ERC1: variants seen among roughly 807,000 people sequenced by gnomAD.
The protein encoded by ERC1 is ELKS/RAB6-interacting/CAST family member 1, also known as RAB6 interacting protein 2.
A neutral mutation model predicts 132.0 loss-of-function variants in ERC1; 56 were observed. That is an observed-to-expected ratio of 0.42 (90% CI 0.34 to 0.53). ERC1 has a LOEUF of 0.53. ERC1 is among the 20% of genes least tolerant of loss of function. The pLI, the probability that ERC1 is intolerant of heterozygous loss-of-function variation, is 0.03. For synonymous variants in ERC1, 478 were observed against 476.1 expected (o/e 1.00, Z -0.05); for missense variants, 1,202 against 1,349.9 (o/e 0.89, Z 1.72).
chr12:1,037,741 A>C (rs986403144), intron 2 of ERC1, among the ~76,000 whole-genome samples: 26 of 152,216 alleles, frequency 1.7e-4, no homozygotes, highest in African/African-American at 5.5e-4. Context: ...GGAGGAATGG[A>C]TTTTTGAAAA....
In ERC1 at chr12:1,444,655, C is replaced by G; in HGVS notation, c.3118C>G (p.Leu1040Val). 1 of 1,614,146 alleles carries G rather than the reference C, an allele frequency of 6.2e-7. No homozygotes were observed. Among genetic ancestry groups the G allele is most frequent in the South Asian group, 1.1e-5 (1 of 91,088 alleles). ...LTTLCHDRDPLILRGLTPPAS... is the reference protein window; with the variant it reads ...LTTLCHDRDPVILRGLTPPAS... ...AACCCTCTGCCATGACCGAGACCCCCTGATCCTCCGTGGACTCACTCCACC... is the reference window on the plus strand; with the variant it reads ...AACCCTCTGCCATGACCGAGACCCCGTGATCCTCCGTGGACTCACTCCACC... Residue 1040 changes from leucine (L) to valine (V), a missense_variant, in exon 18 of 19, where the codon CTG becomes GTG. By Grantham distance (32) the Leu-to-Val change is conservative. Transcript: ENST00000360905.
At chr12:1,328,758 C>T (rs1328883628) in intron 15 of ERC1, among the ~76,000 whole-genome samples, 2 of 151,984 alleles carry the variant, frequency 1.3e-5, no homozygotes, top group Non-Finnish European at 2.9e-5. Flanking sequence ...TGAACCTCTC[C>T]TATTGCTTTG....
intron 12 of ERC1, among the ~76,000 whole-genome samples, chr12:1,212,492 A>T (rs780399632): frequency 2.6e-5 from 4 of 152,110 alleles, no homozygotes; most frequent in Non-Finnish European, 1.5e-5. Flanking sequence ...ATTTCCTTAG[A>T]TGCCTGGGAA....
chr12:1,206,748 C>T (rs74057289), intron 12 of ERC1, among the ~76,000 whole-genome samples: 5,924 of 152,132 alleles, frequency 0.039, 394 homozygotes, highest in African/African-American at 0.13. Context: ...CATCTCTATT[C>T]TCATTAACAC....
intron 14 of ERC1, among the ~76,000 whole-genome samples, chr12:1,272,903 A>T (rs2077966934): frequency 6.8e-6 from 1 of 147,044 alleles, no homozygotes; most frequent in South Asian, 2.2e-4. Flanking sequence ...AGCTGAGATC[A>T]TGCCACTGCA....
intron 18 of ERC1, among the ~76,000 whole-genome samples, chr12:1,486,363 G>GT (rs138649783): frequency 2.5e-4 from 38 of 150,546 alleles, no homozygotes; most frequent in South Asian, 1.3e-3. Context: ...TTTTTTTCTT[G>GT]TTTTTTTTTC....
At position 1,262,196 on chromosome 12, in the gene ERC1, G is replaced by T. The variant is rs1054618767; in HGVS notation, c.2488-838G>T. 7.2e-5 allele frequency among the ~76,000 whole-genome samples: 11 copies of T among 152,188 alleles called. No homozygotes were observed. In the South Asian group the frequency reaches 2.3e-3, roughly 32 times the overall value. ...TCTTAATCCTCTAGTTTCATAAGAA[G>T]TTAAAGAAGGAAGTGCCTATAATAA... On this transcript the variant is annotated intron_variant, in intron 13 of 18. Coordinates refer to ENST00000360905, the MANE Select transcript of ERC1 (RefSeq NM_178040.4).
Position 1,492,168 on chromosome 12 carries a change from C to T in ERC1, c.*1938C>T, listed in dbSNP as rs1394144279. On this transcript the variant is annotated 3_prime_UTR_variant, in exon 19 of 19. Transcript: ENST00000360905. Reference sequence around the variant, plus strand: ...TTTCTTATCGAAGGTTAAATGGACTCTGCTCATAAACCTCTTACTGAGATG... The same window carrying T: ...TTTCTTATCGAAGGTTAAATGGACTTTGCTCATAAACCTCTTACTGAGATG... 4 of 232,882 alleles carry T rather than the reference C, an allele frequency of 1.7e-5. No homozygotes were observed. Among genetic ancestry groups the T allele is most frequent in the African/African-American group, 8.8e-5 (4 of 45,330 alleles). 14.4% of individuals were successfully genotyped at this position (232,882 alleles called of 1,614,324 possible).
At chr12:1,325,692 C>T (rs1246601399) in intron 15 of ERC1, among the ~76,000 whole-genome samples, 2 of 151,976 alleles carry the variant, frequency 1.3e-5, no homozygotes, top group African/African-American at 2.4e-5. Context: ...GCCATTTATT[C>T]CTCTTTCTTG....
chr12:1,336,714 G>C (rs1005526913), intron 15 of ERC1, among the ~76,000 whole-genome samples: 3 of 152,086 alleles, frequency 2.0e-5, no homozygotes, highest in African/African-American at 7.2e-5. Context: ...GAGAATGTAT[G>C]TTCTGTTGCT....
chr12:1,193,162 G>T (rs1311187701), intron 12 of ERC1, among the ~76,000 whole-genome samples: 1 of 152,096 alleles, frequency 6.6e-6, no homozygotes, highest in African/African-American at 2.4e-5. Context: ...TCCCAGGCCT[G>T]TTCTTTGTGA....
intron 2 of ERC1, among the ~76,000 whole-genome samples, chr12:1,069,038 T>A (rs1385658940): frequency 3.3e-5 from 5 of 152,214 alleles, no homozygotes; most frequent in Non-Finnish European, 7.3e-5. Flanking sequence ...GATGTAATTT[T>A]AAAAATATTT....
rs1212050612 is a variant in ERC1, at chr12:1,444,636, C to G, written c.3099C>G (p.Leu1033=). ...TGTACATTGGACACCTGACAACCCT[C>G]TGCCATGACCGAGACCCCCTGATCC... ...LKLYIGHLTT[L]CHDRDPLILR... The change falls in exon 18 of 19, where the codon CTC becomes CTG. Residue 1033 remains leucine (L), a synonymous_variant. Transcript: ENST00000360905. 1 of 1,614,138 alleles carries G rather than the reference C, an allele frequency of 6.2e-7. No individual in the cohort carries two copies. The highest frequency in any genetic ancestry group is 8.5e-7 in the Non-Finnish European group (1 of 1,179,972).
At chr12:1,111,868 C>T (rs1037318940) in intron 5 of ERC1, among the ~76,000 whole-genome samples, 3 of 151,994 alleles carry the variant, frequency 2.0e-5, no homozygotes, top group Admixed American at 6.6e-5. Context: ...TGGCCTCCCA[C>T]GGTGCTGGGA....
chr12:1,440,357 A>C (rs533135603), intron 17 of ERC1, among the ~76,000 whole-genome samples: 16 of 149,314 alleles, frequency 1.1e-4, no homozygotes, highest in East Asian at 7.9e-4. Flanking sequence ...GACGCCCGCC[A>C]CCACGCCCGG....
intron 8 of ERC1, among the ~76,000 whole-genome samples, chr12:1,179,290 C>G (rs1954092327): frequency 6.6e-6 from 1 of 152,128 alleles, no homozygotes; most frequent in Non-Finnish European, 1.5e-5. Context: ...CATGCTGACA[C>G]TGCCAACACT....
At chr12:1,481,733 G>A (rs886541) in intron 18 of ERC1, among the ~76,000 whole-genome samples, 67,385 of 151,954 alleles carry the variant, frequency 0.44, 17,243 homozygotes, top group African/African-American at 0.71. Context: ...CATAGCATAC[G>A]TTAGACCCTG....
intron 14 of ERC1, among the ~76,000 whole-genome samples, chr12:1,267,355 C>T (rs1383757178): frequency 6.6e-6 from 1 of 152,230 alleles, no homozygotes; most frequent in Non-Finnish European, 1.5e-5. Context: ...ACAAGGTCTC[C>T]TAAACAAGTC....
intron 2 of ERC1, among the ~76,000 whole-genome samples, chr12:1,036,438 G>A (rs973720497): frequency 2.7e-5 from 4 of 150,488 alleles, no homozygotes; most frequent in Non-Finnish European, 2.9e-5. Context: ...GCAATGGTGC[G>A]ATCTCGGCTC....
Sources: allele counts gnomAD v4.1 joint callset (sites outside exome capture counted in the v4.1 genomes callset), GRCh38; gene constraint gnomAD v4.1.1; transcripts MANE v1.5; gene names NCBI Gene and HGNC (gene_info 2026-07-23, HGNC 2026-07-21).